CHST12: variants seen among roughly 807,000 people sequenced by gnomAD.
The protein encoded by CHST12 is carbohydrate sulfotransferase 12, also known as carbohydrate (chondroitin 4) sulfotransferase 12.
In CHST12, 23 loss-of-function variants were observed where a neutral mutation model predicts 27.9. The ratio of observed to expected loss-of-function variants is 0.82; its 90% CI spans 0.59 to 1.17. The LOEUF (loss-of-function observed/expected upper bound fraction) is 1.17. CHST12 is among the 50% of genes most tolerant of loss of function. The pLI, the probability that CHST12 is intolerant of heterozygous loss-of-function variation, is 0.00. For missense variants in CHST12, 682 were observed against 603.0 expected (o/e 1.13, Z -1.37); for synonymous variants, 322 against 273.0 (o/e 1.18, Z -1.77).
rs781283461 is a variant in CHST12, at chr7:2,433,266, C to T, written c.627C>T (p.Asn209=). 4 of 1,611,792 alleles carry T rather than the reference C, an allele frequency of 2.5e-6. No individual in the cohort carries two copies. Among genetic ancestry groups the T allele is most frequent in the South Asian group, 2.2e-5 (2 of 91,062 alleles). ...PLRIPREHVH[N]ASAHLTFNKF... Reference sequence around the variant, plus strand: ...GCATCCCGCGCGAGCACGTGCACAACGCCAGCGCGCACCTGACCTTCAACA... The same window carrying T: ...GCATCCCGCGCGAGCACGTGCACAATGCCAGCGCGCACCTGACCTTCAACA... The change falls in exon 2 of 2, where the codon AAC becomes AAT. Residue 209 remains asparagine (N), a synonymous_variant. Transcript: ENST00000618655. This position sits in a 1 kb window ranked among gnomAD's most constrained non-coding sequence, Gnocchi z 6.1.
intron 1 of CHST12, among the ~76,000 whole-genome samples, chr7:2,409,640 AG>A (rs1781613117): frequency 7.0e-6 from 1 of 142,946 alleles, no homozygotes; most frequent in South Asian, 2.3e-4. Flanking sequence ...AAAAAAAAAA[AG>A]AATCATGGAG....
chr7:2,425,691 C>CTTTTTTTTTTTTTTTTT lies in CHST12; in HGVS notation c.-77-6858_-77-6857insTTTTTTTTTTTTTTTTT, dbSNP rs760502452. On this transcript the variant is annotated intron_variant, in intron 1 of 1. Transcript: ENST00000618655. The stretch of plus-strand genomic sequence containing the variant: ...CAAATGCAAAATAGCACTGCATTTG[C>CTTTTTTTTTTTTTTTTT]TTTTTTTTTTTTTTGTCTTTTGTCA... Among the ~76,000 whole-genome samples the CTTTTTTTTTTTTTTTTT allele has an allele frequency of 3.2e-3, 445 of 137,692 alleles. 7 individuals carry two copies. Among genetic ancestry groups the CTTTTTTTTTTTTTTTTT allele is most frequent in the African/African-American group, 9.4e-3 (348 of 36,830 alleles). The allele number at this position is 137,692 out of a possible 152,430, so 90.3% of individuals were successfully genotyped here.
rs1391297604 is a variant in CHST12 at position 2,440,023 on chromosome 7, A to G, written c.*6139A>G. On this transcript the variant is annotated 3_prime_UTR_variant, in exon 2 of 2. Transcript: ENST00000618655. ...GCGTGGGCTGCTGTGCCCAGCAGGA[A>G]TAATTTCTCAGTGCATCTCTGATGG... 3 of 152,180 alleles carry G rather than the reference A, an allele frequency of 2.0e-5. No individual in the cohort carries two copies. Among genetic ancestry groups the G allele is most frequent in the South Asian group, 2.1e-4 (1 of 4,832 alleles). 9.4% of individuals were successfully genotyped at this position (152,180 alleles called of 1,614,324 possible).
chr7:2,404,977 G>C (rs1423877539), intron 1 of CHST12, among the ~76,000 whole-genome samples: 1 of 152,188 alleles, frequency 6.6e-6, no homozygotes, highest in Non-Finnish European at 1.5e-5. Flanking sequence ...TGTGGTGCAG[G>C]CGTTAACAGA....
At chr7:2,429,086 C>T in intron 1 of CHST12, among the ~76,000 whole-genome samples, 1 of 152,226 alleles carries the variant, frequency 6.6e-6, no homozygotes. Flanking sequence ...TCCCTGACTG[C>T]ATGTCCGTTC....
At position 2,441,943 on chromosome 7, in the gene CHST12, G is replaced by C. The variant is rs1285065288; in HGVS notation, c.*8059G>C. ...TAAGTGAACAGTTCAGTGGCATTAAGCACATTCAGTTTGCCTGCCACCGTT... is the reference window on the plus strand; with the variant it reads ...TAAGTGAACAGTTCAGTGGCATTAACCACATTCAGTTTGCCTGCCACCGTT... On this transcript the variant is annotated 3_prime_UTR_variant, in exon 2 of 2. Coordinates refer to ENST00000618655, the MANE Select transcript of CHST12 (RefSeq NM_018641.5). The C allele has an allele frequency of 6.6e-6, 1 of 152,028 alleles. No individual in the cohort carries two copies. Among genetic ancestry groups the C allele is most frequent in the Non-Finnish European group, 1.5e-5 (1 of 68,012 alleles). The allele number at this position is 152,028 out of a possible 1,614,324, so 9.4% of individuals were successfully genotyped here.
Position 2,433,930 on chromosome 7 carries a change from G to T in CHST12, c.*46G>T. 1 of 1,506,652 alleles carries T rather than the reference G, an allele frequency of 6.6e-7. No individual in the cohort carries two copies. The highest frequency in any genetic ancestry group is 8.9e-7 in the Non-Finnish European group (1 of 1,122,428). The allele number at this position is 1,506,652 out of a possible 1,614,324, so 93.3% of individuals were successfully genotyped here. A position where few individuals can be genotyped will look rare whatever the true frequency, so the allele number is the denominator to read the frequency against. Reference sequence around the variant, plus strand: ...CTCGCGTGCCTGGAACCTGACGCACGCGCACTCCAGTTTTTTTATGACCTA... The same window carrying T: ...CTCGCGTGCCTGGAACCTGACGCACTCGCACTCCAGTTTTTTTATGACCTA... On this transcript the variant is annotated 3_prime_UTR_variant, in exon 2 of 2. Coordinates refer to ENST00000618655, the MANE Select transcript of CHST12 (RefSeq NM_018641.5). This position sits in a 1 kb window ranked among gnomAD's most constrained non-coding sequence, Gnocchi z 6.1.
chr7:2,409,071 G>T (rs969694128), intron 1 of CHST12, among the ~76,000 whole-genome samples: 10 of 152,178 alleles, frequency 6.6e-5, no homozygotes, highest in African/African-American at 2.4e-4. Context: ...ATAAACCATC[G>T]TGCGGGAAAC....
At chr7:2,412,616 G>A (rs1373919371) in intron 1 of CHST12, among the ~76,000 whole-genome samples, 1 of 152,194 alleles carries the variant, frequency 6.6e-6, no homozygotes, top group African/African-American at 2.4e-5. Context: ...AAATTTGACT[G>A]TCTAGTGAAA....
chr7:2,445,349 G>GAT lies in CHST12; in HGVS notation c.*11468_*11469dup, dbSNP rs1405692536. ...CATCTTCAGAAAAAAGCTCCTGTGG[G>GAT]ATATTTCTCCTCCAGCCGACCCCGC... On this transcript the variant is annotated 3_prime_UTR_variant, in exon 2 of 2. Coordinates refer to ENST00000618655, the MANE Select transcript of CHST12 (RefSeq NM_018641.5). 2 of 152,280 alleles carry GAT rather than the reference G, an allele frequency of 1.3e-5. No homozygotes were observed. Among genetic ancestry groups the GAT allele is most frequent in the African/African-American group, 4.8e-5 (2 of 41,446 alleles). 9.4% of individuals were successfully genotyped at this position (152,280 alleles called of 1,614,324 possible).
At position 2,434,111 on chromosome 7, in the gene CHST12, C is replaced by CGCCCG. The variant is rs1782400183; in HGVS notation, c.*227_*228insGCCCG. The CGCCCG allele has an allele frequency of 5.2e-5, 20 of 383,688 alleles. No homozygotes were observed. The highest frequency in any genetic ancestry group is 1.4e-4 in the Admixed American group (3 of 22,206). The allele number at this position is 383,688 out of a possible 1,614,324, so 23.8% of individuals were successfully genotyped here. ...ATATCCCCTCTCCCCTCCGCCCGCC[C>CGCCCG]ACCCGCCCGCCCGCTCGCCCGCTCG... On this transcript the variant is annotated 3_prime_UTR_variant, in exon 2 of 2. Coordinates refer to ENST00000618655, the MANE Select transcript of CHST12 (RefSeq NM_018641.5).
intron 1 of CHST12, among the ~76,000 whole-genome samples, chr7:2,419,653 G>C (rs759835664): frequency 6.7e-6 from 1 of 150,372 alleles, no homozygotes; most frequent in Admixed American, 6.7e-5. Flanking sequence ...GTTGCAGTGA[G>C]CTGAGATTGT....
intron 1 of CHST12, among the ~76,000 whole-genome samples, chr7:2,423,005 G>A (rs925434547): frequency 6.6e-6 from 1 of 151,952 alleles, no homozygotes; most frequent in African/African-American, 2.4e-5. Flanking sequence ...ATAGGCTGCA[G>A]TGGCTCACGC....
At chr7:2,428,386 G>A (rs932193193) in intron 1 of CHST12, among the ~76,000 whole-genome samples, 1 of 151,906 alleles carries the variant, frequency 6.6e-6, no homozygotes, top group Non-Finnish European at 1.5e-5. Context: ...TAGTAGAGAC[G>A]GTATTGTGGG....
At chr7:2,411,510 A>C (rs1355639169) in intron 1 of CHST12, among the ~76,000 whole-genome samples, 1 of 4,738 alleles carries the variant, frequency 2.1e-4, no homozygotes, top group Non-Finnish European at 3.9e-4. Flanking sequence ...TTTTTTTTTG[A>C]GACGGAGTCT....
Position 2,432,806 on chromosome 7 carries a change from G to A in CHST12, c.167G>A (p.Arg56Lys). The change falls in exon 2 of 2, where the codon AGG (arginine) becomes AAG (lysine). Residue 56 changes from arginine to lysine, a missense_variant. Arg to Lys is a conservative substitution (Grantham distance 26). Coordinates refer to ENST00000618655, the MANE Select transcript of CHST12 (RefSeq NM_018641.5). ...GPPLPTPGPD[R>K]DRELTADSDV... ...CCGCTGCCCACGCCCGGGCCGGACA[G>A]GGACAGGGAGCTCACGGCCGACTCC... 6.2e-7 allele frequency: 1 copy of A among 1,613,814 alleles called. No individual in the cohort carries two copies. The highest frequency in any genetic ancestry group is 8.5e-7 in the Non-Finnish European group (1 of 1,179,842).
chr7:2,440,428 G>C lies in CHST12; in HGVS notation c.*6544G>C, dbSNP rs542833667. ...GAATGTGTGTGTGTGTGTGTTTGGA[G>C]ATTTGGACTTGAAAATTCTAGCTCA... is the stretch of plus-strand genomic sequence containing the variant. On this transcript the variant is annotated 3_prime_UTR_variant, in exon 2 of 2. Coordinates refer to ENST00000618655, the MANE Select transcript of CHST12 (RefSeq NM_018641.5). 1 of 153,180 alleles carries C rather than the reference G, an allele frequency of 6.5e-6. No homozygotes were observed. The highest frequency in any genetic ancestry group is 2.4e-5 in the African/African-American group (1 of 41,582). 9.5% of individuals were successfully genotyped at this position (153,180 alleles called of 1,614,324 possible).
intron 1 of CHST12, among the ~76,000 whole-genome samples, chr7:2,427,117 G>A (rs918954361): frequency 2.0e-5 from 3 of 151,672 alleles, no homozygotes; most frequent in African/African-American, 4.9e-5. Context: ...CCCGGGAGGC[G>A]GAGGTTGCAG....
rs79743047 is a variant in CHST12 at position 2,411,490 on chromosome 7, CTTTT to C, written c.-78+7832_-78+7835del. On this transcript the variant is annotated intron_variant, in intron 1 of 1. Coordinates refer to ENST00000618655, the MANE Select transcript of CHST12 (RefSeq NM_018641.5). ...ATAATTTCTTTGAGTTAACTTAACT[CTTTT>C]TTTTTTTTTTTTTTGAGACGGAGTC... Among the ~76,000 whole-genome samples, 536 of 87,558 alleles carry C rather than the reference CTTTT, an allele frequency of 6.1e-3. 15 individuals are homozygous for C. Among genetic ancestry groups the C allele is most frequent in the African/African-American group, 0.016 (344 of 21,032 alleles). 57.4% of individuals were successfully genotyped at this position (87,558 alleles called of 152,430 possible).
Sources: allele counts gnomAD v4.1 joint callset (sites outside exome capture counted in the v4.1 genomes callset), GRCh38; gene constraint gnomAD v4.1.1; non-coding constraint Gnocchi (gnomAD v3.1); transcripts MANE v1.5; gene names NCBI Gene and HGNC (gene_info 2026-07-23, HGNC 2026-07-21).